Variants in ADCY5 observed in about 807,000 individuals in gnomAD.
The protein encoded by ADCY5 is adenylate cyclase 5, also known as adenylate cyclase type 5.
ADCY5 carries 30 observed loss-of-function variants against 119.7 expected under a neutral mutation model. The ratio of observed to expected loss-of-function variants is 0.25; its 90% CI spans 0.19 to 0.34. The LOEUF is 0.34. Ranked by LOEUF, ADCY5 falls within the 10% of genes least tolerant of loss-of-function variation. The pLI, the probability that ADCY5 is intolerant of heterozygous loss-of-function variation, is 1.00. For synonymous variants in ADCY5, 753 were observed against 762.2 expected (o/e 0.99, Z 0.20); for missense variants, 1,324 against 1,775.2 (o/e 0.75, Z 4.57).
chr3:123,303,277 C>G, intron 13 of ADCY5, 58 bp from the exon 14 acceptor site: 2 of 1,552,422 alleles, frequency 1.3e-6, no homozygotes, highest in Non-Finnish European at 1.8e-6. Flanking sequence ...ACAGGTAGAG[C>G]AGCCCAGCCC....
chr3:123,378,733 A>C (rs1576642037), intron 1 of ADCY5, among the ~76,000 whole-genome samples: 1 of 152,232 alleles, frequency 6.6e-6, no homozygotes, highest in Non-Finnish European at 1.5e-5. Flanking sequence ...GCCCTGGCCT[A>C]GGAAACCAAC....
chr3:123,432,440 A>G lies in ADCY5; in HGVS notation c.1134+14972T>C, dbSNP rs539552555. Among the ~76,000 whole-genome samples the G allele has an allele frequency of 2.5e-4, 38 of 152,320 alleles. No homozygotes were observed. In the South Asian group the frequency reaches 7.9e-3, roughly 32 times the overall value. On this transcript the variant is annotated intron_variant, in intron 1 of 20. Transcript: ENST00000462833. ...TGGAGGGAGAGAAAAATGGTGCAAC[A>G]CAGCCCCTCCCAACATGGCCTGACA...
chr3:123,419,949 C>T (rs1410746024), intron 1 of ADCY5, among the ~76,000 whole-genome samples: 3 of 152,102 alleles, frequency 2.0e-5, no homozygotes. Context: ...CTCCACCCAG[C>T]ACAAATGATG....
chr3:123,395,476 T>C (rs1367176190), intron 1 of ADCY5, among the ~76,000 whole-genome samples: 1 of 152,210 alleles, frequency 6.6e-6, no homozygotes, highest in Non-Finnish European at 1.5e-5. Flanking sequence ...CACCGCCTCC[T>C]TGGCTCTGTA....
chr3:123,395,833 T>C (rs545529656), intron 1 of ADCY5, among the ~76,000 whole-genome samples: 54 of 150,556 alleles, frequency 3.6e-4, no homozygotes, highest in Admixed American at 1.8e-3. Flanking sequence ...CAGTGAGCCA[T>C]GATTTCACCC....
chr3:123,311,593 G>A (rs552261706), intron 12 of ADCY5, among the ~76,000 whole-genome samples: 2 of 152,366 alleles, frequency 1.3e-5, no homozygotes, highest in East Asian at 3.9e-4. Flanking sequence ...GACAAACCCT[G>A]AGAAGAGGCT....
chr3:123,396,532 A>AAAAG lies in ADCY5; in HGVS notation c.1135-43955_1135-43952dup, dbSNP rs370071235. Among the ~76,000 whole-genome samples, 826 of 137,886 alleles carry AAAAG rather than the reference A, an allele frequency of 6.0e-3. 4 individuals are homozygous for AAAAG. Among genetic ancestry groups the AAAAG allele is most frequent in the African/African-American group, 0.02 (692 of 35,054 alleles). The allele number at this position is 137,886 out of a possible 152,430, so 90.5% of individuals were successfully genotyped here. On this transcript the variant is annotated intron_variant, in intron 1 of 20. Coordinates refer to ENST00000462833, the MANE Select transcript of ADCY5 (RefSeq NM_183357.3). Reference sequence around the variant, plus strand: ...GAAAGAAAGAAAGAGAGAGAGAAAGAAAAGAAAGAAAGAAAGAAAGAAAAA... The same window carrying AAAAG: ...GAAAGAAAGAAAGAGAGAGAGAAAGAAAAGAAAGAAAGAAAGAAAGAAAGAAAAA...
chr3:123,305,725 A>T (rs1180092732), intron 12 of ADCY5, among the ~76,000 whole-genome samples: 1 of 152,146 alleles, frequency 6.6e-6, no homozygotes, highest in Non-Finnish European at 1.5e-5. Context: ...GCCCCTGCTC[A>T]CCCCTGGGTC....
chr3:123,431,312 C>G (rs1945517197), intron 1 of ADCY5, among the ~76,000 whole-genome samples: 1 of 152,198 alleles, frequency 6.6e-6, no homozygotes, highest in African/African-American at 2.4e-5. Flanking sequence ...AGTGAAATAT[C>G]ATATCCCCCC....
chr3:123,438,869 C>T (rs753833094), intron 1 of ADCY5, among the ~76,000 whole-genome samples: 2 of 152,164 alleles, frequency 1.3e-5, no homozygotes, highest in South Asian at 2.1e-4. Context: ...ACCTCAGCCT[C>T]CCAGGTAGCT....
intron 15 of ADCY5, among the ~76,000 whole-genome samples, chr3:123,298,287 T>C (rs1412999872): frequency 6.6e-6 from 1 of 152,212 alleles, no homozygotes; most frequent in Admixed American, 6.5e-5. Context: ...GGCCCACTTT[T>C]TATCTATTGG....
chr3:123,320,082 CAT>C (rs1941140195), intron 9 of ADCY5, among the ~76,000 whole-genome samples: 1 of 152,222 alleles, frequency 6.6e-6, no homozygotes, highest in Non-Finnish European at 1.5e-5. Context: ...ACTCTGTTAA[CAT>C]ATTATATTAG....
At chr3:123,419,292 C>A in intron 1 of ADCY5, 1 of 772,670 alleles carries the variant, frequency 1.3e-6, no homozygotes, top group Non-Finnish European at 1.6e-6. Flanking sequence ...CGCCCACCCA[C>A]TTCTCTTTGA....
At chr3:123,371,789 C>G (rs1943650892) in intron 1 of ADCY5, among the ~76,000 whole-genome samples, 1 of 151,686 alleles carries the variant, frequency 6.6e-6, no homozygotes, top group South Asian at 2.1e-4. Flanking sequence ...TCCCCCACCC[C>G]CACCCCTGCA....
chr3:123,430,960 A>G (rs1945511411), intron 1 of ADCY5, among the ~76,000 whole-genome samples: 1 of 152,208 alleles, frequency 6.6e-6, no homozygotes, highest in Non-Finnish European at 1.5e-5. Flanking sequence ...TGAGGGTACA[A>G]GCCCCATCCT....
chr3:123,327,239 T>C (rs1941535087), intron 7 of ADCY5, among the ~76,000 whole-genome samples: 1 of 152,154 alleles, frequency 6.6e-6, no homozygotes. Flanking sequence ...GACACCGATC[T>C]ATGGATCAGA....
intron 1 of ADCY5, among the ~76,000 whole-genome samples, chr3:123,398,594 C>T (rs1178549571): frequency 2.0e-5 from 3 of 152,156 alleles, no homozygotes; most frequent in Non-Finnish European, 4.4e-5. Context: ...AATAGCAGCC[C>T]CAGCTTATCA....
At chr3:123,320,686 A>G in intron 9 of ADCY5, 63 bp downstream of exon 9, 1 of 1,592,532 alleles carries the variant, frequency 6.3e-7, no homozygotes, top group East Asian at 2.2e-5. Flanking sequence ...CCAAGTGATA[A>G]GGTGGATTGG....
chr3:123,383,924 TGCAC>T (rs761177832), intron 1 of ADCY5, among the ~76,000 whole-genome samples: 3 of 96,590 alleles, frequency 3.1e-5, no homozygotes, highest in Non-Finnish European at 5.7e-5. Context: ...CCTCAAGGCA[TGCAC>T]ACACACACAC....
Sources: allele counts gnomAD v4.1 joint callset (sites outside exome capture counted in the v4.1 genomes callset), GRCh38; gene constraint gnomAD v4.1.1; transcripts MANE v1.5; gene names NCBI Gene and HGNC (gene_info 2026-07-23, HGNC 2026-07-21).